Variants in CPNE2 observed in about 807,000 individuals in gnomAD.
The protein encoded by CPNE2 is copine 2.
CPNE2 carries 42 observed loss-of-function variants against 69.7 expected under a neutral mutation model. The observed-to-expected ratio is 0.60, with a 90% CI of 0.47 to 0.78. The LOEUF is 0.78. Among genes scored for constraint, CPNE2 ranks in the 30% least tolerant of loss-of-function variants. CPNE2 has a pLI of 0.00. For synonymous variants in CPNE2, 294 were observed against 289.8 expected (o/e 1.01, Z -0.15); for missense variants, 587 against 732.0 (o/e 0.80, Z 2.29).
At chr16:57,137,720 A>T (rs913050461) in intron 14 of CPNE2, among the ~76,000 whole-genome samples, 15 of 152,200 alleles carry the variant, frequency 9.9e-5, no homozygotes, top group Non-Finnish European at 1.9e-4. Context: ...CTAGAGCCTC[A>T]CTGGCCCGGC....
chr16:57,121,661 T>C lies in CPNE2; in HGVS notation c.781-13T>C, dbSNP rs2145259392. 6.2e-7 allele frequency: 1 copy of C among 1,613,866 alleles called. No individual in the cohort carries two copies. The highest frequency in any genetic ancestry group is 1.7e-5 in the Admixed American group (1 of 59,980). On this transcript the variant is annotated splice_polypyrimidine_tract_variant and intron_variant, in intron 8 of 15. Transcript: ENST00000290776. ...GCCCCGAGGTGAGTGTCTCTTTCTT[T>C]TGCGTTGCCCAGCTGGAGTTCGAGT...
intron 12 of CPNE2, among the ~76,000 whole-genome samples, chr16:57,132,334 T>A (rs77967596): frequency 0.042 from 6,378 of 152,238 alleles, 260 homozygotes; most frequent in South Asian, 0.14. Flanking sequence ...GTTACTCAGA[T>A]GAGGAACGGG....
chr16:57,113,192 G>C, intron 2 of CPNE2, 96 bp from the exon 3 acceptor site: 1 of 1,130,002 alleles, frequency 8.8e-7, no homozygotes, highest in Non-Finnish European at 1.3e-6. Context: ...GCACAGAGTA[G>C]GCATTGTACA....
At chr16:57,124,137 A>G (rs2069783546) in intron 10 of CPNE2, 1 of 219,040 alleles carries the variant, frequency 4.6e-6, no homozygotes, top group African/African-American at 2.4e-5. Context: ...TCTAGAGTGC[A>G]GTGGCACGAT....
chr16:57,114,408 G>A (rs1013626111), intron 3 of CPNE2, among the ~76,000 whole-genome samples: 1 of 152,088 alleles, frequency 6.6e-6, no homozygotes, highest in Non-Finnish European at 1.5e-5. Context: ...TGAGGCAGAA[G>A]ACAGAGTAAT....
intron 1 of CPNE2, among the ~76,000 whole-genome samples, chr16:57,103,523 C>T (rs1034585255): frequency 1.3e-5 from 2 of 152,220 alleles, no homozygotes; most frequent in African/African-American, 2.4e-5. Flanking sequence ...GTGGTCCCAG[C>T]TCCTCCTCTC....
At chr16:57,134,701 C>A (rs2069864505) in intron 12 of CPNE2, 74 bp from the exon 13 acceptor site, 1 of 1,549,362 alleles carries the variant, frequency 6.5e-7, no homozygotes, top group East Asian at 2.2e-5. Flanking sequence ...GAGCCTTGGC[C>A]TGGCAGTGGG....
chr16:57,147,746 C>A lies in CPNE2; in HGVS notation c.*88C>A. On this transcript the variant is annotated 3_prime_UTR_variant, in exon 16 of 16. Transcript: ENST00000290776. The stretch of plus-strand genomic sequence containing the variant: ...CTCACTCTGCTTCCTTGTGGGTGGC[C>A]TTTTTTTACCGATCCCCTTTTTTAT... 1 of 765,270 alleles carries A rather than the reference C, an allele frequency of 1.3e-6. No individual in the cohort carries two copies. Among genetic ancestry groups the A allele is most frequent in the Non-Finnish European group, 1.9e-6 (1 of 526,386 alleles). 47.4% of individuals were successfully genotyped at this position (765,270 alleles called of 1,614,324 possible). A position where few individuals can be genotyped will look rare whatever the true frequency, so the allele number is the denominator to read the frequency against.
chr16:57,131,491 G>A (rs528983117), intron 12 of CPNE2, among the ~76,000 whole-genome samples: 7 of 152,364 alleles, frequency 4.6e-5, no homozygotes, highest in African/African-American at 1.4e-4. Flanking sequence ...GAGCTGGTGC[G>A]GCTGGGCCCA....
intron 5 of CPNE2, 141 bp downstream of exon 5, chr16:57,117,708 C>T: frequency 1.1e-6 from 1 of 882,482 alleles, no homozygotes; most frequent in Middle Eastern, 2.3e-4. Flanking sequence ...CTCCTGGCCA[C>T]TCCAGATTAG....
rs575931812 is a variant in CPNE2, at chr16:57,095,870, G to A, written c.-36+3080G>A. On this transcript the variant is annotated intron_variant, in intron 1 of 15. Transcript: ENST00000290776. Reference sequence around the variant, plus strand: ...CTCCTCACTGCTGCATCTCCTGGTTGTATTTTTCTTGGGGCATTTGCCACT... The same window carrying A: ...CTCCTCACTGCTGCATCTCCTGGTTATATTTTTCTTGGGGCATTTGCCACT... Among the ~76,000 whole-genome samples, 20 of 152,314 alleles carry A rather than the reference G, an allele frequency of 1.3e-4. No individual in the cohort carries two copies. The South Asian group carries it at 3.3e-3, about 25-fold the overall frequency.
rs747051066 is a variant in CPNE2 at position 57,123,464 on chromosome 16, C to T, written c.918C>T (p.Leu306=). ...FLDYILGGCQ[L]MFTVGIDFTA... is the part of the protein sequence containing the mutation. ...ACTACATCCTGGGAGGCTGCCAGCT[C>T]ATGTTCACCGTAAGGCTCTCCCCGC... is the stretch of plus-strand genomic sequence containing the variant. Residue 306 remains leucine, a synonymous_variant, in exon 10 of 16, where the codon CTC becomes CTT. Transcript: ENST00000290776. 4 of 1,613,216 alleles carry T rather than the reference C, an allele frequency of 2.5e-6. No homozygotes were observed. The highest frequency in any genetic ancestry group is 1.3e-5 in the African/African-American group (1 of 74,938).
rs139134933 is a variant in CPNE2 at position 57,130,859 on chromosome 16, A to C, written c.1116+2956A>C. Reference sequence around the variant, plus strand: ...GAAGGGTTAGGTCAAGCAGGTCTAAAGGCTGAGGAGGAGCCAGGAGAGGCG... The same window carrying C: ...GAAGGGTTAGGTCAAGCAGGTCTAACGGCTGAGGAGGAGCCAGGAGAGGCG... On this transcript the variant is annotated intron_variant, in intron 12 of 15. Transcript: ENST00000290776. This position sits in a 1 kb window ranked among gnomAD's most constrained non-coding sequence, Gnocchi z 4.1. Among the ~76,000 whole-genome samples, 316 of 152,110 alleles carry C rather than the reference A, an allele frequency of 2.1e-3. 2 individuals are homozygous for C. The highest frequency in any genetic ancestry group is 7.5e-3 in the African/African-American group (310 of 41,492).
intron 4 of CPNE2, 102 bp from the exon 5 acceptor site, chr16:57,117,394 C>T (rs1380834856): frequency 1.7e-6 from 2 of 1,170,154 alleles, no homozygotes; most frequent in Admixed American, 4.3e-5. Flanking sequence ...CCTTCCCTTC[C>T]CCCTCCTAGC....
intron 1 of CPNE2, among the ~76,000 whole-genome samples, chr16:57,105,106 A>G (rs1291537767): frequency 6.6e-6 from 1 of 152,214 alleles, no homozygotes; most frequent in Non-Finnish European, 1.5e-5. Context: ...AAGAGAGTGC[A>G]GCTGAGCTTG....
At chr16:57,113,602 A>G in intron 3 of CPNE2, 135 bp downstream of exon 3, 2 of 931,720 alleles carry the variant, frequency 2.1e-6, no homozygotes, top group South Asian at 3.5e-5. Context: ...AGTGGGGAAC[A>G]GTCTTGGCGG....
Position 57,121,209 on chromosome 16 carries a change from A to G in CPNE2, c.780+18A>G. The G allele has an allele frequency of 6.2e-7, 1 of 1,607,504 alleles. No individual in the cohort carries two copies. The highest frequency in any genetic ancestry group is 8.5e-7 in the Non-Finnish European group (1 of 1,175,042). ...GCGTCCCGGTGAGATGGGCACGTGT[A>G]CTGTAACCCCAAGACCTCAGCAGGG... On this transcript the variant is annotated intron_variant, in intron 8 of 15. Coordinates refer to ENST00000290776, the MANE Select transcript of CPNE2 (RefSeq NM_152727.6).
At chr16:57,134,077 A>C (rs538127073) in intron 12 of CPNE2, among the ~76,000 whole-genome samples, 1 of 152,300 alleles carries the variant, frequency 6.6e-6, no homozygotes, top group South Asian at 2.1e-4. Flanking sequence ...CTATACCCCG[A>C]AGCCATGCGA....
intron 14 of CPNE2, chr16:57,145,013 C>G (rs1416729487): frequency 6.6e-6 from 1 of 152,142 alleles, no homozygotes; most frequent in Non-Finnish European, 1.5e-5. Context: ...ATGAGCCTTC[C>G]TGCACTTCAC....
Sources: gnomAD v4.1 joint callset for allele counts (sites outside exome capture counted in the v4.1 genomes callset) on GRCh38, gnomAD v4.1.1 for gene constraint, Gnocchi (gnomAD v3.1) non-coding constraint, MANE v1.5 for transcripts, NCBI Gene and HGNC (gene_info 2026-07-23, HGNC 2026-07-21) for gene names.